The following GABRG1 variants were observed in gnomAD, a reference collection of about 807,000 sequenced individuals.
GABRG1 encodes gamma-aminobutyric acid type A receptor subunit gamma1.
GABRG1 carries 49 observed loss-of-function variants against 49.8 expected under a neutral mutation model. The observed-to-expected ratio is 0.98, with a 90% CI of 0.78 to 1.25. The LOEUF (loss-of-function observed/expected upper bound fraction) is 1.25. Among genes scored for constraint, GABRG1 ranks in the 50% most tolerant of loss-of-function variants. The pLI is 0.00. For synonymous variants in GABRG1, 232 were observed against 185.1 expected (o/e 1.25, Z -2.06); for missense variants, 552 against 552.3 (o/e 1.00, Z 0.01).
At chr4:46,074,272 A>G (rs1462428180) in intron 3 of GABRG1, among the ~76,000 whole-genome samples, 1 of 152,190 alleles carries the variant, frequency 6.6e-6, no homozygotes, top group East Asian at 1.9e-4. Flanking sequence ...CATCTGAGCA[A>G]GAGAGAACAC....
At position 46,058,595 on chromosome 4, in the gene GABRG1, T is replaced by C. The variant is rs1237024046; in HGVS notation, c.653A>G (p.Tyr218Cys). 7 of 1,612,652 alleles carry C rather than the reference T, an allele frequency of 4.3e-6. No homozygotes were observed. Among genetic ancestry groups the C allele is most frequent in the Non-Finnish European group, 5.9e-6 (7 of 1,179,162 alleles). ...TTCTACGGAGGGCTTTTTCCACTTA[T>C]ACTCAATTTCATTTTTAGGGTATCC... ...SYGYPKNEIE[Y>C]KWKKPSVEVA... The change falls in exon 6 of 9, where the codon TAT becomes TGT. Residue 218 changes from tyrosine to cysteine, a missense_variant. Physicochemically the swap from Tyr to Cys is radical, Grantham distance 194. Coordinates refer to ENST00000295452, the MANE Select transcript of GABRG1 (RefSeq NM_173536.4).
rs1577637148 is a variant in GABRG1 at position 46,058,199 on chromosome 4, T to C, written c.916+18A>G. ...TTTAAAGTTCTATGGCATTATAGCA[T>C]AATATTACATGTCATACCCAACGAT... On this transcript the variant is annotated intron_variant, in intron 7 of 8. Coordinates refer to ENST00000295452, the MANE Select transcript of GABRG1 (RefSeq NM_173536.4). 6.3e-7 allele frequency: 1 copy of C among 1,597,976 alleles called. No homozygotes were observed. Among genetic ancestry groups the C allele is most frequent in the East Asian group, 2.2e-5 (1 of 44,692 alleles).
chr4:46,071,265 C>A lies in GABRG1; in HGVS notation c.322-5681G>T, dbSNP rs1053594355. ...ATATTTACCATACAATAATTTCTAT[C>A]ATTATTTCAGATTATCCTCTTTCTA... is the stretch of plus-strand genomic sequence containing the variant. On this transcript the variant is annotated intron_variant, in intron 3 of 8. Coordinates refer to ENST00000295452, the MANE Select transcript of GABRG1 (RefSeq NM_173536.4). 7.2e-5 allele frequency among the ~76,000 whole-genome samples: 11 copies of A among 151,756 alleles called. No homozygotes were observed. In the South Asian group the frequency reaches 1.0e-3, roughly 14 times the overall value.
chr4:46,088,535 A>G (rs1719863994), intron 2 of GABRG1, among the ~76,000 whole-genome samples: 1 of 151,976 alleles, frequency 6.6e-6, no homozygotes, highest in Non-Finnish European at 1.5e-5. Context: ...GTCACTGATA[A>G]GACACATTTG....
At chr4:46,099,144 C>T (rs532720936) in intron 1 of GABRG1, among the ~76,000 whole-genome samples, 2 of 151,608 alleles carry the variant, frequency 1.3e-5, no homozygotes, top group Admixed American at 6.6e-5. Context: ...ATGCTTCTCA[C>T]CCTACTAACT....
At chr4:46,096,527 T>C (rs1257415591) in intron 2 of GABRG1, among the ~76,000 whole-genome samples, 1 of 151,720 alleles carries the variant, frequency 6.6e-6, no homozygotes, top group Admixed American at 6.6e-5. Flanking sequence ...TTTTATTTCT[T>C]TTCCCTATCA....
chr4:46,122,603 T>C (rs1396532971), intron 1 of GABRG1, among the ~76,000 whole-genome samples: 2 of 152,070 alleles, frequency 1.3e-5, no homozygotes, highest in Non-Finnish European at 2.9e-5. Flanking sequence ...ACAGGTCTAA[T>C]ATTACTTAGC....
chr4:46,084,951 T>C (rs1719700431), intron 2 of GABRG1, among the ~76,000 whole-genome samples: 1 of 151,584 alleles, frequency 6.6e-6, no homozygotes, highest in African/African-American at 2.4e-5. Flanking sequence ...TATAGTTAGA[T>C]TTACAGAATG....
At chr4:46,064,609 T>C in intron 4 of GABRG1, 86 bp from the exon 5 acceptor site, 1 of 618,904 alleles carries the variant, frequency 1.6e-6, no homozygotes, top group African/African-American at 1.9e-5. Flanking sequence ...AACAAGATTT[T>C]GTCATATGAT....
intron 1 of GABRG1, among the ~76,000 whole-genome samples, chr4:46,112,043 G>A (rs1196943711): frequency 6.6e-6 from 1 of 151,258 alleles, no homozygotes; most frequent in Non-Finnish European, 1.5e-5. Context: ...CTGTCAAGGA[G>A]TAAACAGATA....
At chr4:46,092,567 A>C (rs2109428525) in intron 2 of GABRG1, among the ~76,000 whole-genome samples, 1 of 152,128 alleles carries the variant, frequency 6.6e-6, no homozygotes, top group East Asian at 1.9e-4. Flanking sequence ...ACAAAACAGA[A>C]AACAATAGAA....
intron 8 of GABRG1, among the ~76,000 whole-genome samples, chr4:46,049,347 T>C (rs771036889): frequency 2.8e-4 from 42 of 151,852 alleles, no homozygotes; most frequent in Non-Finnish European, 5.5e-4. Flanking sequence ...CACTGAACCA[T>C]GCAAGGAGTC....
chr4:46,085,412 T>A (rs1172082653), intron 2 of GABRG1, among the ~76,000 whole-genome samples: 2 of 151,564 alleles, frequency 1.3e-5, no homozygotes, highest in Non-Finnish European at 3.0e-5. Flanking sequence ...GCACCCAGAA[T>A]GAGACAAAAG....
At chr4:46,044,678 G>T (rs190374346) in intron 8 of GABRG1, among the ~76,000 whole-genome samples, 1 of 152,082 alleles carries the variant, frequency 6.6e-6, no homozygotes. Flanking sequence ...CTTCCACTCA[G>T]TATAAGGAAG....
intron 5 of GABRG1, 68 bp from the exon 6 acceptor site, chr4:46,058,690 A>T: frequency 8.0e-7 from 1 of 1,249,490 alleles, no homozygotes. Flanking sequence ...AACATTATCC[A>T]AAGGTAGATT....
rs796671990 is a variant in GABRG1 at position 46,036,399 on chromosome 4, T to C, written c.*4589A>G. On this transcript the variant is annotated 3_prime_UTR_variant, in exon 9 of 9. Transcript: ENST00000295452. ...AGGAACATTTTTCAAAAAATAAGAA[T>C]CTAGACAGATCACTTTAGGATTTAC... The C allele has an allele frequency of 7.9e-5, 12 of 152,050 alleles. No homozygotes were observed. Among genetic ancestry groups the C allele is most frequent in the African/African-American group, 2.9e-4 (12 of 41,548 alleles). The allele number at this position is 152,050 out of a possible 1,614,324, so 9.4% of individuals were successfully genotyped here.
chr4:46,064,907 G>C (rs1200839874), intron 4 of GABRG1, among the ~76,000 whole-genome samples: 2 of 152,024 alleles, frequency 1.3e-5, no homozygotes, highest in Non-Finnish European at 2.9e-5. Context: ...TTCCATGAAG[G>C]ATGGTTCTTA....
chr4:46,097,331 A>C lies in GABRG1; in HGVS notation c.123T>G (p.Asp41Glu), dbSNP rs1720199351. 1.1e-5 allele frequency: 18 copies of C among 1,608,820 alleles called. No individual in the cohort carries two copies. Among genetic ancestry groups the C allele is most frequent in the Non-Finnish European group, 1.2e-5 (14 of 1,177,172 alleles). The change falls in exon 2 of 9, where the codon GAT becomes GAG. Residue 41 changes from aspartate to glutamate, a missense_variant. By Grantham distance (45) the Asp-to-Glu change is conservative (BLOSUM62 2). Coordinates refer to ENST00000295452, the MANE Select transcript of GABRG1 (RefSeq NM_173536.4). Reference sequence around the variant, plus strand: ...TCACCGTTAAATCCTCATCATCTTCATCATCTGCCTTATCAACACTAAATA... The same window carrying C: ...TCACCGTTAAATCCTCATCATCTTCCTCATCTGCCTTATCAACACTAAATA... ...HLGNCVDKAD[D>E]EDDEDLTVNK...
At position 46,117,846 on chromosome 4, in the gene GABRG1, G is replaced by A. The variant is rs567308888; in HGVS notation, c.104+5964C>T. Among the ~76,000 whole-genome samples, 135 of 86,668 alleles carry A rather than the reference G, an allele frequency of 1.6e-3. 4 individuals carry two copies. Among genetic ancestry groups the A allele is most frequent in the African/African-American group, 9.2e-3 (121 of 13,138 alleles). The allele number at this position is 86,668 out of a possible 152,430, so 56.9% of individuals were successfully genotyped here. Reference sequence around the variant, plus strand: ...TATACATATATACATATGTATACATGTGTATCTATATACATATATACATAT... The same window carrying A: ...TATACATATATACATATGTATACATATGTATCTATATACATATATACATAT... On this transcript the variant is annotated intron_variant, in intron 1 of 8. Coordinates refer to ENST00000295452, the MANE Select transcript of GABRG1 (RefSeq NM_173536.4).
Sources: allele counts gnomAD v4.1 joint callset (sites outside exome capture counted in the v4.1 genomes callset), GRCh38; gene constraint gnomAD v4.1.1; transcripts MANE v1.5; gene names NCBI Gene and HGNC (gene_info 2026-07-23, HGNC 2026-07-21).